FREM1: variants seen among roughly 807,000 people sequenced by gnomAD.
FREM1 encodes FRAS1-related extracellular matrix protein 1.
FREM1 carries 220 observed loss-of-function variants against 210.1 expected under a neutral mutation model. The observed-to-expected ratio is 1.05, with a 90% CI of 0.94 to 1.17. FREM1 has a LOEUF of 1.17. Ranked by LOEUF, FREM1 falls within the 50% of genes most tolerant of loss-of-function variation. The pLI, the probability that FREM1 is intolerant of heterozygous loss-of-function variation, is 0.00. For missense variants in FREM1, 3,454 were observed against 2,675.5 expected (o/e 1.29, Z -6.42); for synonymous variants, 1,189 against 980.2 (o/e 1.21, Z -3.98).
At chr9:14,825,547 G>GTGTGTGTATGTATATATATATATATATA in intron 10 of FREM1, among the ~76,000 whole-genome samples, 2 of 75,932 alleles carry the variant, frequency 2.6e-5, no homozygotes, top group Non-Finnish European at 4.9e-5. Flanking sequence ...GTGTGTGTGT[G>GTGTGTGTATGTATATATATATATATATA]TATATATATA....
rs183075912 is a variant in FREM1, at chr9:14,812,031, G to A, written c.2893+781C>T. On this transcript the variant is annotated intron_variant, in intron 16 of 36. Transcript: ENST00000380880. ...ACCCAGACCTCAGAAGATGTGCAAGGTGAGATGATGTGATGATGTGCAGTG... is the reference window on the plus strand; with the variant it reads ...ACCCAGACCTCAGAAGATGTGCAAGATGAGATGATGTGATGATGTGCAGTG... Among the ~76,000 whole-genome samples, 4 of 152,240 alleles carry A rather than the reference G, an allele frequency of 2.6e-5. No individual in the cohort carries two copies. The East Asian group carries it at 5.8e-4, about 22-fold the overall frequency.
In FREM1 at chr9:14,824,039, T is replaced by C. The variant is rs568944061; in HGVS notation, c.2155A>G (p.Arg719Gly). The change falls in exon 12 of 37, where the codon AGG (arginine) becomes GGG (glycine). Residue 719 changes from arginine (R) to glycine (G), a missense_variant. By Grantham distance (125) the Arg-to-Gly change is moderately radical. Transcript: ENST00000380880. ...VVKNPTALEL[R>G]SFTQHAVNYM... ...TATCCTCATACCTGAGTGAATGACC[T>C]CAGCTCCAGGGCCGTAGGATTCTTA... 2 of 1,592,062 alleles carry C rather than the reference T, an allele frequency of 1.3e-6. No individual in the cohort carries two copies. Among genetic ancestry groups the C allele is most frequent in the Non-Finnish European group, 1.7e-6 (2 of 1,167,590 alleles).
intron 20 of FREM1, among the ~76,000 whole-genome samples, chr9:14,800,527 G>A (rs1817070822): frequency 6.6e-6 from 1 of 152,148 alleles, no homozygotes; most frequent in Non-Finnish European, 1.5e-5. Flanking sequence ...AGAAAATAAT[G>A]AGCATTATTA....
chr9:14,754,021 A>T (rs1442095175), intron 29 of FREM1, among the ~76,000 whole-genome samples: 1 of 152,214 alleles, frequency 6.6e-6, no homozygotes, highest in Non-Finnish European at 1.5e-5. Context: ...TATCCAGTGG[A>T]ATCTCCAAGA....
chr9:14,739,271 T>C (rs919241537), intron 36 of FREM1, among the ~76,000 whole-genome samples: 1 of 150,742 alleles, frequency 6.6e-6, no homozygotes, highest in African/African-American at 2.4e-5. Flanking sequence ...GCCTGGCTAA[T>C]TTTTAAATTT....
intron 7 of FREM1, among the ~76,000 whole-genome samples, chr9:14,846,387 C>A (rs910004413): frequency 3.3e-5 from 5 of 152,060 alleles, no homozygotes; most frequent in African/African-American, 9.7e-5. Context: ...GGAGAAAGAG[C>A]ATTAGGACAA....
intron 25 of FREM1, chr9:14,774,237 G>A (rs1563892266): frequency 1.2e-5 from 6 of 500,576 alleles, no homozygotes; most frequent in Non-Finnish European, 2.0e-5. Context: ...TTTGCAGGGT[G>A]TGTATTAGAT....
intron 25 of FREM1, 53 bp from the exon 26 acceptor site, chr9:14,770,859 G>A: frequency 1.5e-6 from 2 of 1,296,996 alleles, no homozygotes; most frequent in East Asian, 2.4e-5. Context: ...TCACCCCCAT[G>A]CAACGTTGGG....
rs749075015 is a variant in FREM1, at chr9:14,737,376, C to T, written c.*20G>A. The T allele has an allele frequency of 1.9e-6, 3 of 1,595,594 alleles. No individual in the cohort carries two copies. The South Asian group carries it at 3.4e-5, about 18-fold the overall frequency. ...AATAGGTGACAAACTCCAGGTGGCC[C>T]CCTGTAGGGTCTGTTATATTTAGAG... On this transcript the variant is annotated 3_prime_UTR_variant, in exon 37 of 37. Coordinates refer to ENST00000380880, the MANE Select transcript of FREM1 (RefSeq NM_001379081.2).
intron 8 of FREM1, among the ~76,000 whole-genome samples, chr9:14,843,737 C>T (rs911850461): frequency 3.6e-5 from 5 of 140,338 alleles, no homozygotes; most frequent in African/African-American, 1.3e-4. Context: ...CCAGCAGCCT[C>T]AGTACCATCT....
intron 1 of FREM1, among the ~76,000 whole-genome samples, chr9:14,898,624 C>A (rs1330708989): frequency 6.6e-6 from 1 of 152,170 alleles, no homozygotes; most frequent in African/African-American, 2.4e-5. Flanking sequence ...CACCTGTAAT[C>A]CCAACTACTC....
At chr9:14,856,255 G>C (rs1828709649) in intron 5 of FREM1, among the ~76,000 whole-genome samples, 1 of 152,088 alleles carries the variant, frequency 6.6e-6, no homozygotes, top group Admixed American at 6.6e-5. Context: ...TTAGTTAAGT[G>C]GACGTTTGAA....
At chr9:14,760,024 A>G in intron 27 of FREM1, 123 bp from the exon 28 acceptor site, 2 of 626,542 alleles carry the variant, frequency 3.2e-6, no homozygotes, top group Non-Finnish European at 5.1e-6. Flanking sequence ...GAAATTCCTT[A>G]AGACTTATTT....
At position 14,819,430 on chromosome 9, in the gene FREM1, G is replaced by T. The variant is rs750639857; in HGVS notation, c.2350C>A (p.Pro784Thr). 6.2e-7 allele frequency: 1 copy of T among 1,610,408 alleles called. No individual in the cohort carries two copies. The highest frequency in any genetic ancestry group is 2.2e-5 in the East Asian group (1 of 44,848). ...TGACCTCCCTCAGTCACTTTCAGAG[G>T]GTTGGTGAACGCCTAGAAAGAAGAA... ...DNQVPEAFTN[P>T]LKVTEGGQSI... Residue 784 changes from proline to threonine, a missense_variant, in exon 14 of 37, where the codon CCT becomes ACT. By Grantham distance (38) the Pro-to-Thr change is conservative. Coordinates refer to ENST00000380880, the MANE Select transcript of FREM1 (RefSeq NM_001379081.2).
chr9:14,746,785 C>G, intron 34 of FREM1, 138 bp downstream of exon 34: 2 of 1,042,308 alleles, frequency 1.9e-6, no homozygotes, highest in Middle Eastern at 3.2e-4. Context: ...GCCATTTTTT[C>G]CTCTTGGCCT....
At position 14,860,572 on chromosome 9, in the gene FREM1, C is replaced by CATATATACACAT. The variant is rs1829674501; in HGVS notation, c.330-1089_330-1088insATGTGTATATAT. Among the ~76,000 whole-genome samples, 32 of 87,998 alleles carry CATATATACACAT rather than the reference C, an allele frequency of 3.6e-4. 2 individuals carry two copies. Among genetic ancestry groups the CATATATACACAT allele is most frequent in the African/African-American group, 1.5e-3 (32 of 20,792 alleles). The allele number at this position is 87,998 out of a possible 152,430, so 57.7% of individuals were successfully genotyped here. ...ATATATATACACACATATATATACACATATATATACACATATATATACATA... is the reference window on the plus strand; with the variant it reads ...ATATATATACACACATATATATACACATATATACACATATATATATACACATATATATACATA... On this transcript the variant is annotated intron_variant, in intron 3 of 36. Transcript: ENST00000380880.
rs1819662521 is a variant in FREM1, at chr9:14,812,936, G to C, written c.2769C>G (p.Asn923Lys). 1 of 1,613,798 alleles carries C rather than the reference G, an allele frequency of 6.2e-7. No homozygotes were observed. The highest frequency in any genetic ancestry group is 1.7e-5 in the Admixed American group (1 of 59,986). ...GAGCAATCACAAACATCAACTTCAA[G>C]TTATCGCTGTCCACATCAGTAGCAA... ...YIFATDVDSD[N>K]LKLMFVIARE... The change falls in exon 16 of 37, where the codon AAC becomes AAG. Residue 923 changes from asparagine to lysine, a missense_variant. Transcript: ENST00000380880.
intron 1 of FREM1, among the ~76,000 whole-genome samples, chr9:14,880,593 G>C (rs1442084456): frequency 3.4e-5 from 4 of 117,748 alleles, no homozygotes; most frequent in Non-Finnish European, 3.3e-5. Flanking sequence ...AACAGAGTGA[G>C]ACTGTCTCAA....
rs1829050820 is a variant in FREM1, at chr9:14,857,740, G to A, written c.641C>T (p.Ala214Val). The change falls in exon 5 of 37, where the codon GCA becomes GTA. Residue 214 changes from alanine to valine, a missense_variant. Physicochemically the swap from Ala to Val is moderately conservative, Grantham distance 64. Transcript: ENST00000380880. ...HSFFPESQLR[A>V]KLKCPGGSCT... ...GCTCCCACCTGGACACTTCAGTTTTGCTCTCAGTTCTAGAATGTACAGCAC... is the reference window on the plus strand; with the variant it reads ...GCTCCCACCTGGACACTTCAGTTTTACTCTCAGTTCTAGAATGTACAGCAC... 5.6e-6 allele frequency: 9 copies of A among 1,601,092 alleles called. No individual in the cohort carries two copies. The highest frequency in any genetic ancestry group is 6.8e-6 in the Non-Finnish European group (8 of 1,173,832).
Sources: allele counts gnomAD v4.1 joint callset (sites outside exome capture counted in the v4.1 genomes callset), GRCh38; gene constraint gnomAD v4.1.1; transcripts MANE v1.5; gene names NCBI Gene and HGNC (gene_info 2026-07-23, HGNC 2026-07-21).